STK17A: variants seen among roughly 807,000 people sequenced by gnomAD.
STK17A encodes serine/threonine kinase 17a, also known as serine/threonine-protein kinase 17A.
Under a neutral mutation model 43.7 loss-of-function variants are expected in STK17A, and 26 were observed. The observed-to-expected ratio is 0.60, with a 90% CI of 0.44 to 0.83. The LOEUF (loss-of-function observed/expected upper bound fraction) is 0.83. Among genes scored for constraint, STK17A ranks in the 40% least tolerant of loss-of-function variants. The pLI, the probability that STK17A is intolerant of heterozygous loss-of-function variation, is 0.00. For synonymous variants in STK17A, 191 were observed against 182.5 expected (o/e 1.05, Z -0.38); for missense variants, 476 against 511.6 (o/e 0.93, Z 0.67).
chr7:43,585,121 C>G (rs1036212640), intron 1 of STK17A, among the ~76,000 whole-genome samples: 4 of 151,976 alleles, frequency 2.6e-5, no homozygotes, highest in African/African-American at 9.7e-5. Flanking sequence ...CACTTGAACC[C>G]GGGAGGCGGA....
At position 43,583,320 on chromosome 7, in the gene STK17A, G is replaced by A. The variant is rs1002737015; in HGVS notation, c.77G>A (p.Gly26Asp). 6.7e-7 allele frequency: 1 copy of A among 1,488,322 alleles called. No homozygotes were observed. The highest frequency in any genetic ancestry group is 1.4e-5 in the African/African-American group (1 of 68,974). 92.2% of individuals were successfully genotyped at this position (1,488,322 alleles called of 1,614,324 possible). The stretch of plus-strand genomic sequence containing the variant: ...TCAGGCTCGGGCCGGGCAGGCCGGG[G>A]TCTGAGCGGGCCGTGCCGGCCGCCG... ...ATSGSGRAGR[G>D]LSGPCRPPPP... The change falls in exon 1 of 7, where the codon GGT (glycine) becomes GAT (aspartate). Residue 26 changes from glycine (G) to aspartate (D), a missense_variant. Around this residue, in one of 3 missense-constraint regions of STK17A, gnomAD observed 320 missense variants for 326.3 expected, o/e 0.98. Transcript: ENST00000319357.
chr7:43,595,101 C>G (rs2082505946), intron 1 of STK17A, among the ~76,000 whole-genome samples: 1 of 151,976 alleles, frequency 6.6e-6, no homozygotes, highest in South Asian at 2.1e-4. Context: ...TTTGTTGTAT[C>G]TGTCTTTATG....
rs1387582129 is a variant in STK17A at position 43,627,307 on chromosome 7, T to C, written c.*2465T>C. Among the ~76,000 whole-genome samples the C allele has an allele frequency of 1.3e-5, 2 of 152,254 alleles. No homozygotes were observed. The highest frequency in any genetic ancestry group is 2.9e-5 in the Non-Finnish European group (2 of 68,044). On this transcript the variant is annotated 3_prime_UTR_variant, in exon 7 of 7. Coordinates refer to ENST00000319357, the MANE Select transcript of STK17A (RefSeq NM_004760.3). ...GGTATAGAGGAAGGACAGATGCTCATTGTTGAATCTCTTAAATTTTTCCAG... is the reference window on the plus strand; with the variant it reads ...GGTATAGAGGAAGGACAGATGCTCACTGTTGAATCTCTTAAATTTTTCCAG...
intron 2 of STK17A, among the ~76,000 whole-genome samples, chr7:43,604,878 C>T (rs2082578205): frequency 1.3e-5 from 2 of 151,732 alleles, no homozygotes; most frequent in Non-Finnish European, 2.9e-5. Context: ...GTCTTTTTTC[C>T]CTCCCTCTCT....
At chr7:43,583,514 T>A (rs2082416142) in intron 1 of STK17A, 65 bp downstream of exon 1, 1 of 1,211,294 alleles carries the variant, frequency 8.3e-7, no homozygotes, top group Admixed American at 4.3e-5. Flanking sequence ...TGGGCGCCGA[T>A]AAGTGCCGGC....
intron 2 of STK17A, among the ~76,000 whole-genome samples, chr7:43,603,928 C>T (rs770810127): frequency 6.6e-6 from 1 of 152,132 alleles, no homozygotes; most frequent in Non-Finnish European, 1.5e-5. Context: ...CCCAATATAG[C>T]TCATTATGTA....
intron 1 of STK17A, among the ~76,000 whole-genome samples, chr7:43,590,409 C>G (rs1157956806): frequency 6.6e-6 from 1 of 151,322 alleles, no homozygotes; most frequent in African/African-American, 2.4e-5. Flanking sequence ...TTAGGGAGCT[C>G]GGACTGGTGG....
In STK17A at chr7:43,626,630, A is replaced by C. The variant is rs542697825; in HGVS notation, c.*1788A>C. On this transcript the variant is annotated 3_prime_UTR_variant, in exon 7 of 7. Coordinates refer to ENST00000319357, the MANE Select transcript of STK17A (RefSeq NM_004760.3). ...TAAACACAGTATTAGGCAAATATTT[A>C]TCTCTCTGAAAAAATAGGGAGGAGG... 9 of 152,198 alleles carry C rather than the reference A, an allele frequency of 5.9e-5. No individual in the cohort carries two copies. The highest frequency in any genetic ancestry group is 3.2e-3 in the Middle Eastern group (1 of 316). 9.4% of individuals were successfully genotyped at this position (152,198 alleles called of 1,614,324 possible). A position where few individuals can be genotyped will look rare whatever the true frequency, so the allele number is the denominator to read the frequency against.
intron 3 of STK17A, among the ~76,000 whole-genome samples, chr7:43,610,346 C>CAAAAAA (rs138859141): frequency 7.3e-5 from 3 of 41,322 alleles, no homozygotes; most frequent in African/African-American, 2.2e-4. Context: ...GACTCCGTCT[C>CAAAAAA]AAAAAAAAAA....
intron 2 of STK17A, among the ~76,000 whole-genome samples, chr7:43,606,916 C>CTTTTTTTTTTT (rs71011933): frequency 1.2e-3 from 74 of 62,620 alleles, no homozygotes; most frequent in Non-Finnish European, 1.5e-3. Flanking sequence ...TTTCGATTTT[C>CTTTTTTTTTTT]TTTTTTTTTT....
rs755165070 is a variant in STK17A, at chr7:43,625,737, G to C, written c.*895G>C. On this transcript the variant is annotated 3_prime_UTR_variant, in exon 7 of 7. Coordinates refer to ENST00000319357, the MANE Select transcript of STK17A (RefSeq NM_004760.3). ...CTATATTGCTTTTGTCCCAAAGTGA[G>C]TAAAATCCCCTAGAGCAGAGAGAGA... The C allele has an allele frequency of 6.1e-5, 8 of 130,816 alleles. No homozygotes were observed. The highest frequency in any genetic ancestry group is 9.8e-5 in the Non-Finnish European group (6 of 61,330). The allele number at this position is 130,816 out of a possible 1,614,324, so 8.1% of individuals were successfully genotyped here.
chr7:43,583,376 G>A lies in STK17A; in HGVS notation c.133G>A (p.Glu45Lys). 2.1e-6 allele frequency: 3 copies of A among 1,449,038 alleles called. No individual in the cohort carries two copies. Among genetic ancestry groups the A allele is most frequent in the Non-Finnish European group, 2.7e-6 (3 of 1,098,728 alleles). The allele number at this position is 1,449,038 out of a possible 1,614,324, so 89.8% of individuals were successfully genotyped here. The change falls in exon 1 of 7, where the codon GAG becomes AAG. Residue 45 changes from glutamate to lysine, a missense_variant. This residue lies in a region of STK17A where 320 missense variants were observed against 326.3 expected (regional missense o/e 0.98). Coordinates refer to ENST00000319357, the MANE Select transcript of STK17A (RefSeq NM_004760.3). The part of the protein sequence containing the change: ...PPPQARGLLT[E>K]IRAVVRTEPF... The stretch of plus-strand genomic sequence containing the variant: ...GCCCCAGGCCCGCGGGCTGCTGACA[G>A]AGATACGCGCCGTGGTGCGCACCGA...
intron 2 of STK17A, among the ~76,000 whole-genome samples, chr7:43,606,857 T>C (rs953073738): frequency 2.6e-5 from 4 of 151,262 alleles, no homozygotes; most frequent in African/African-American, 7.3e-5. Context: ...TATAGTCTCT[T>C]TTTTTTTGAG....
intron 3 of STK17A, among the ~76,000 whole-genome samples, chr7:43,613,698 G>C (rs1184013299): frequency 3.3e-5 from 5 of 152,070 alleles, no homozygotes; most frequent in Non-Finnish European, 7.4e-5. Context: ...AAAAAAATCA[G>C]CCAGCCATGG....
In STK17A at chr7:43,583,301, TCGGGCCGGGCAGGCCGGGGTCTGAG is replaced by T. The variant is rs759062579; in HGVS notation, c.66_90del (p.Gly26ArgfsTer10). On this transcript the variant is annotated frameshift_variant, in exon 1 of 7. Coordinates refer to ENST00000319357, the MANE Select transcript of STK17A (RefSeq NM_004760.3). LOFTEE classifies it high-confidence loss of function. The stretch of plus-strand genomic sequence containing the variant: ...CTCCTCCCCAGGCGCCACCTCAGGC[TCGGGCCGGGCAGGCCGGGGTCTGAG>T]CGGGCCGTGCCGGCCGCCGCCGCCG... 1.3e-6 allele frequency: 2 copies of T among 1,531,856 alleles called. No individual in the cohort carries two copies. The highest frequency in any genetic ancestry group is 1.8e-6 in the Non-Finnish European group (2 of 1,142,796). 94.9% of individuals were successfully genotyped at this position (1,531,856 alleles called of 1,614,324 possible). A position where few individuals can be genotyped will look rare whatever the true frequency, so the allele number is the denominator to read the frequency against.
At chr7:43,620,673 CAAA>C (rs34416780) in intron 4 of STK17A, among the ~76,000 whole-genome samples, 6 of 131,306 alleles carry the variant, frequency 4.6e-5, no homozygotes, top group South Asian at 2.5e-4. Flanking sequence ...GACTCCGTCT[CAAA>C]AAAAAAAAAA....
At chr7:43,617,760 T>C (rs1273136805) in intron 3 of STK17A, among the ~76,000 whole-genome samples, 1 of 152,154 alleles carries the variant, frequency 6.6e-6, no homozygotes, top group Non-Finnish European at 1.5e-5. Flanking sequence ...GTGCAGATCA[T>C]GCAAGCTGAG....
At chr7:43,586,075 A>G (rs568552295) in intron 1 of STK17A, among the ~76,000 whole-genome samples, 1 of 151,772 alleles carries the variant, frequency 6.6e-6, no homozygotes, top group African/African-American at 2.4e-5. Context: ...TTTTCCAACA[A>G]TTAACTCTGG....
rs1227016933 is a variant in STK17A, at chr7:43,608,298, A to C, written c.462A>C (p.Arg154Ser). 3.7e-6 allele frequency: 6 copies of C among 1,614,034 alleles called. No individual in the cohort carries two copies. The highest frequency in any genetic ancestry group is 4.2e-6 in the Non-Finnish European group (5 of 1,180,020). ...TCTTTGACCAGTGTGTTGCAGACAG[A>C]GAAGAAGCCTTTAAAGAAAAAGATG... is the stretch of plus-strand genomic sequence containing the variant. ...GEIFDQCVADREEAFKEKDVQ... is the reference protein window; with the variant it reads ...GEIFDQCVADSEEAFKEKDVQ... Residue 154 changes from arginine to serine, a missense_variant, in exon 3 of 7, where the codon AGA (arginine) becomes AGC (serine). Transcript: ENST00000319357.
Sources: allele counts gnomAD v4.1 joint callset (sites outside exome capture counted in the v4.1 genomes callset), GRCh38; gene constraint gnomAD v4.1.1; regional missense constraint gnomAD v4.1.1; transcripts MANE v1.5; gene names NCBI Gene and HGNC (gene_info 2026-07-23, HGNC 2026-07-21).